The following CCDC171 variants were observed in gnomAD, a reference collection of about 807,000 sequenced individuals.
CCDC171 encodes coiled-coil domain-containing protein 171.
A neutral mutation model predicts 168.2 loss-of-function variants in CCDC171; 177 were observed. That is an observed-to-expected ratio of 1.05 (90% CI 0.93 to 1.19). The LOEUF (loss-of-function observed/expected upper bound fraction) is 1.19. Ranked by LOEUF, CCDC171 falls within the 50% of genes most tolerant of loss-of-function variation. The pLI is 0.00. For synonymous variants in CCDC171, 687 were observed against 540.8 expected (o/e 1.27, Z -3.75); for missense variants, 1,991 against 1,539.0 (o/e 1.29, Z -4.91).
Position 16,006,188 on chromosome 9 carries a change from G to C in CCDC171, n.369-14401G>C, listed in dbSNP as rs78341765. On this transcript the variant is annotated intron_variant and non_coding_transcript_variant, in intron 3 of 9. Coordinates refer to the CCDC171 transcript ENST00000486641. ...AGAAGGTTCTAGACTGTTTGCAAAA[G>C]TAACTCCACCATTTTACATTCCCAC... 5.9e-5 allele frequency among the ~76,000 whole-genome samples: 9 copies of C among 152,206 alleles called. No homozygotes were observed. In the East Asian group the frequency reaches 1.7e-3, roughly 29 times the overall value.
At chr9:16,108,093 G>A in the CCDC171 span, among the ~76,000 whole-genome samples, 1 of 152,218 alleles carries the variant, frequency 6.6e-6, no homozygotes, top group Non-Finnish European at 1.5e-5. Context: ...AGTTTCAGAA[G>A]CCGGAAGAAA....
chr9:15,569,707 C>T (rs1386358693), intron 2 of CCDC171, among the ~76,000 whole-genome samples: 7 of 151,098 alleles, frequency 4.6e-5, no homozygotes, highest in African/African-American at 7.3e-5. Context: ...CCCAGCTGCT[C>T]GGGAGGCTGA....
intron 16 of CCDC171, among the ~76,000 whole-genome samples, chr9:15,737,246 G>A (rs2054556848): frequency 6.6e-6 from 1 of 152,026 alleles, no homozygotes; most frequent in African/African-American, 2.4e-5. Flanking sequence ...TAGTAACAAA[G>A]AGGTATACTA....
chr9:15,964,411 G>A (rs919571506), intron 25 of CCDC171, among the ~76,000 whole-genome samples: 2 of 150,248 alleles, frequency 1.3e-5, no homozygotes, highest in African/African-American at 2.5e-5. Context: ...ATATTTGAGT[G>A]CATAAAGTTA....
At chr9:15,923,958 A>G (rs1228418572) in intron 25 of CCDC171, among the ~76,000 whole-genome samples, 1 of 151,442 alleles carries the variant, frequency 6.6e-6, no homozygotes, top group Non-Finnish European at 1.5e-5. Flanking sequence ...TAGCCCAACA[A>G]CAGCTTATAT....
At chr9:15,601,364 C>G (rs190320711) in intron 6 of CCDC171, among the ~76,000 whole-genome samples, 1 of 152,226 alleles carries the variant, frequency 6.6e-6, no homozygotes, top group East Asian at 1.9e-4. Context: ...TTGAAAATAC[C>G]AATGAAACCA....
At chr9:15,667,551 C>T (rs2048820761) in intron 9 of CCDC171, among the ~76,000 whole-genome samples, 1 of 152,046 alleles carries the variant, frequency 6.6e-6, no homozygotes, top group Admixed American at 6.6e-5. Flanking sequence ...GAGGCTGAGG[C>T]AGAAGAATCA....
At chr9:15,803,760 G>T (rs1310571321) in intron 21 of CCDC171, among the ~76,000 whole-genome samples, 1 of 151,542 alleles carries the variant, frequency 6.6e-6, no homozygotes, top group East Asian at 1.9e-4. Flanking sequence ...CTTTTTTTTG[G>T]TTCTGTATGA....
intron 11 of CCDC171, among the ~76,000 whole-genome samples, chr9:15,706,494 C>T (rs1229905598): frequency 1.3e-5 from 2 of 151,950 alleles, no homozygotes; most frequent in Non-Finnish European, 2.9e-5. Flanking sequence ...CACCATGTTG[C>T]CCAGGCTGGT....
intron 18 of CCDC171, among the ~76,000 whole-genome samples, chr9:15,763,050 G>A (rs753714851): frequency 4.5e-4 from 69 of 152,134 alleles, no homozygotes; most frequent in Non-Finnish European, 7.3e-4. Context: ...CTTCAGGTTG[G>A]ACAGTTTTCT....
At chr9:15,998,674 T>TGGTA (rs1832442585) in intron 3 of CCDC171, among the ~76,000 whole-genome samples, 1 of 152,228 alleles carries the variant, frequency 6.6e-6, no homozygotes, top group African/African-American at 2.4e-5. Context: ...GCTTGGCAAG[T>TGGTA]GGTAGTTCAC....
chr9:15,934,259 A>G (rs1012805419), intron 25 of CCDC171, among the ~76,000 whole-genome samples: 2 of 151,416 alleles, frequency 1.3e-5, no homozygotes, highest in Non-Finnish European at 3.0e-5. Context: ...GCGTGTTGGC[A>G]TGTGCTTGTA....
chr9:15,640,251 T>G (rs1266925852), intron 7 of CCDC171, among the ~76,000 whole-genome samples: 1 of 152,152 alleles, frequency 6.6e-6, no homozygotes, highest in Non-Finnish European at 1.5e-5. Flanking sequence ...CCAATTCACT[T>G]CCAAGACCAG....
intron 14 of CCDC171, among the ~76,000 whole-genome samples, chr9:15,726,907 C>T (rs1483514520): frequency 1.3e-5 from 2 of 151,984 alleles, no homozygotes; most frequent in South Asian, 2.1e-4. Flanking sequence ...CTTAGAGTTC[C>T]ATGCTTTGGG....
intron 24 of CCDC171, among the ~76,000 whole-genome samples, chr9:15,906,843 A>G (rs1009736026): frequency 7.6e-4 from 116 of 152,260 alleles, no homozygotes; most frequent in African/African-American, 2.3e-3. Flanking sequence ...TACAAAATCA[A>G]TGTGCAAAAA....
chr9:16,081,300 CAG>C, the CCDC171 span, among the ~76,000 whole-genome samples: 1 of 152,178 alleles, frequency 6.6e-6, no homozygotes, highest in Non-Finnish European at 1.5e-5. Flanking sequence ...TCAAATCTCT[CAG>C]AGGTGAGTCT....
chr9:16,107,268 G>C, the CCDC171 span, among the ~76,000 whole-genome samples: 1 of 152,070 alleles, frequency 6.6e-6, no homozygotes, highest in African/African-American at 2.4e-5. Flanking sequence ...TCCCACCTTA[G>C]CCTCCTGAGT....
intron 3 of CCDC171, among the ~76,000 whole-genome samples, chr9:15,577,726 A>G (rs536124787): frequency 5.8e-4 from 89 of 152,312 alleles, no homozygotes; most frequent in African/African-American, 2.0e-3. Context: ...GATTAAGACA[A>G]CCCAACATTA....
At chr9:15,693,751 AACAT>A (rs1195289778) in intron 10 of CCDC171, among the ~76,000 whole-genome samples, 1 of 152,154 alleles carries the variant, frequency 6.6e-6, no homozygotes, top group East Asian at 1.9e-4. Context: ...TGTATCTATA[AACAT>A]ACCTTTAACA....
Sources: allele counts gnomAD v4.1 joint callset (sites outside exome capture counted in the v4.1 genomes callset), GRCh38; gene constraint gnomAD v4.1.1; transcripts MANE v1.5; gene names NCBI Gene and HGNC (gene_info 2026-07-23, HGNC 2026-07-21).